SLC30A8: variants seen among roughly 807,000 people sequenced by gnomAD.
SLC30A8 encodes proton-coupled zinc antiporter SLC30A8.
In SLC30A8, 27 loss-of-function variants were observed where a neutral mutation model predicts 36.9. That is an observed-to-expected ratio of 0.73 (90% confidence interval 0.54 to 1.01). SLC30A8 has a LOEUF of 1.01. Ranked by LOEUF, SLC30A8 falls within the 50% of genes least tolerant of loss-of-function variation. The pLI, the probability that SLC30A8 is intolerant of heterozygous loss-of-function variation, is 0.00. For synonymous variants in SLC30A8, 164 were observed against 172.4 expected (o/e 0.95, Z 0.38); for missense variants, 439 against 452.0 (o/e 0.97, Z 0.26).
At chr8:117,122,543 T>A (rs1163979850) in intron 2 of SLC30A8, among the ~76,000 whole-genome samples, 1 of 152,028 alleles carries the variant, frequency 6.6e-6, no homozygotes, top group Non-Finnish European at 1.5e-5. Flanking sequence ...TCTGTTCTCT[T>A]CATTGCTTCC....
At chr8:117,050,483 G>A (rs533408107) in intron 2 of SLC30A8, among the ~76,000 whole-genome samples, 102 of 150,980 alleles carry the variant, frequency 6.8e-4, no homozygotes, top group African/African-American at 2.4e-3. Context: ...TCAGCTCACT[G>A]CAACCTCTGC....
At chr8:117,171,289 G>T in intron 7 of SLC30A8, 121 bp downstream of exon 7, 1 of 1,152,186 alleles carries the variant, frequency 8.7e-7, no homozygotes, top group Non-Finnish European at 1.3e-6. Flanking sequence ...ATTATAAAGT[G>T]TTTTCTATTA....
At chr8:117,150,210 AAAT>A (rs1300370161) in intron 2 of SLC30A8, among the ~76,000 whole-genome samples, 14 of 152,230 alleles carry the variant, frequency 9.2e-5, no homozygotes, top group African/African-American at 3.1e-4. Flanking sequence ...AGTATTCACA[AAAT>A]AATTAAAGAA....
chr8:117,093,290 G>A (rs1586498124), intron 2 of SLC30A8, among the ~76,000 whole-genome samples: 1 of 152,014 alleles, frequency 6.6e-6, no homozygotes, highest in African/African-American at 2.4e-5. Flanking sequence ...TTTAAAAAAA[G>A]AAAGTCCAAG....
At chr8:116,966,241 G>A (rs1014696674) in intron 1 of SLC30A8, among the ~76,000 whole-genome samples, 45 of 152,274 alleles carry the variant, frequency 3.0e-4, no homozygotes, top group African/African-American at 9.9e-4. Flanking sequence ...AGATGGAAGA[G>A]ACTTGAGTGA....
intron 1 of SLC30A8, among the ~76,000 whole-genome samples, chr8:117,030,123 C>A (rs767647139): frequency 6.6e-6 from 1 of 151,948 alleles, no homozygotes; most frequent in African/African-American, 2.4e-5. Context: ...AAAGAAGTGA[C>A]CCTCAGTCGT....
At chr8:117,170,258 T>C (rs1307806999) in intron 6 of SLC30A8, among the ~76,000 whole-genome samples, 1 of 152,144 alleles carries the variant, frequency 6.6e-6, no homozygotes, top group Non-Finnish European at 1.5e-5. Context: ...TGGAGCTTCA[T>C]CCATAGAAAT....
chr8:116,982,615 GATCA>G (rs1815308965), intron 1 of SLC30A8, among the ~76,000 whole-genome samples: 1 of 152,082 alleles, frequency 6.6e-6, no homozygotes, highest in African/African-American at 2.4e-5. Flanking sequence ...CCTGTCCACT[GATCA>G]ATCAATCCCA....
rs557971632 is a variant in SLC30A8 at position 117,120,277 on chromosome 8, C to G, written c.-225-15003C>G. Among the ~76,000 whole-genome samples, 36 of 151,836 alleles carry G rather than the reference C, an allele frequency of 2.4e-4. 1 individual carries two copies. The South Asian group carries it at 7.5e-3, about 32-fold the overall frequency. Reference sequence around the variant, plus strand: ...CTTACATAAAGACAGATATACAGACCGATGGAACAGAATAGAGATCCCAGA... The same window carrying G: ...CTTACATAAAGACAGATATACAGACGGATGGAACAGAATAGAGATCCCAGA... On this transcript the variant is annotated intron_variant, in intron 2 of 10. Coordinates refer to the SLC30A8 transcript ENST00000427715.
rs546222482 is a variant in SLC30A8, at chr8:117,082,049, G to A, written c.-226+42791G>A. Among the ~76,000 whole-genome samples the A allele has an allele frequency of 2.0e-5, 3 of 152,300 alleles. No homozygotes were observed. In the South Asian group the frequency reaches 6.2e-4, roughly 32 times the overall value. On this transcript the variant is annotated intron_variant, in intron 2 of 10. Coordinates refer to the SLC30A8 transcript ENST00000427715. ...AGTTATCTCCTGAGTCCCTGAGATA[G>A]AATAAGTCAAGTTTTGAGAGGTCAG...
intron 2 of SLC30A8, among the ~76,000 whole-genome samples, chr8:117,126,301 A>G (rs761626058): frequency 6.6e-6 from 1 of 152,008 alleles, no homozygotes. Context: ...TTATTAAGCA[A>G]TTACTCTGAG....
Position 117,167,589 on chromosome 8 carries a change from A to G in SLC30A8, c.830-3445A>G, listed in dbSNP as rs554197224. On this transcript the variant is annotated intron_variant, in intron 6 of 7. Coordinates refer to ENST00000456015, the MANE Select transcript of SLC30A8 (RefSeq NM_173851.3). ...ATATTGATTCACATTTTTTCTCTGC[A>G]CCTGGCATTTTTCATTTGGAGATCT... Among the ~76,000 whole-genome samples the G allele has an allele frequency of 2.6e-5, 4 of 151,764 alleles. No homozygotes were observed. The South Asian group carries it at 8.3e-4, about 32-fold the overall frequency.
At position 117,176,087 on chromosome 8, in the gene SLC30A8, T is replaced by C. The variant is rs1372541448; in HGVS notation, c.*3406T>C. 1 of 152,110 alleles carries C rather than the reference T, an allele frequency of 6.6e-6. No homozygotes were observed. The highest frequency in any genetic ancestry group is 1.5e-5 in the Non-Finnish European group (1 of 68,006). The allele number at this position is 152,110 out of a possible 1,614,324, so 9.4% of individuals were successfully genotyped here. On this transcript the variant is annotated 3_prime_UTR_variant, in exon 8 of 8. Coordinates refer to ENST00000456015, the MANE Select transcript of SLC30A8 (RefSeq NM_173851.3). ...TCAAGTTCTTGGCTTTTCTCTGTCA[T>C]GTAGCCTCAACTTTCTCTGACCGGG... is the stretch of plus-strand genomic sequence containing the variant.
At chr8:117,080,492 C>T (rs1288493094) in intron 2 of SLC30A8, among the ~76,000 whole-genome samples, 1 of 152,104 alleles carries the variant, frequency 6.6e-6, no homozygotes, top group Non-Finnish European at 1.5e-5. Context: ...CTCCCTCTCT[C>T]CCTCCTCTAG....
At chr8:117,130,700 A>C (rs986195098), upstream of SLC30A8, among the ~76,000 whole-genome samples, 18 of 152,108 alleles carry the variant, frequency 1.2e-4, no homozygotes, top group African/African-American at 3.9e-4. Context: ...TATATAAATA[A>C]AAAGACATAT....
chr8:117,143,689 C>CACACACAT (rs1385751429), intron 1 of SLC30A8, among the ~76,000 whole-genome samples: 1 of 151,726 alleles, frequency 6.6e-6, no homozygotes. Context: ...CACACACACA[C>CACACACAT]ACACACACTC....
intron 1 of SLC30A8, among the ~76,000 whole-genome samples, chr8:116,992,582 A>G (rs1259532127): frequency 6.6e-6 from 1 of 152,136 alleles, no homozygotes; most frequent in Non-Finnish European, 1.5e-5. Context: ...AGAGAGCAGG[A>G]CTAGCAAAGC....
At chr8:116,986,397 C>T (rs558710395) in intron 1 of SLC30A8, among the ~76,000 whole-genome samples, 8 of 152,074 alleles carry the variant, frequency 5.3e-5, no homozygotes, top group Non-Finnish European at 8.8e-5. Flanking sequence ...GGGAATCAGG[C>T]GGAGACAGGA....
chr8:116,959,875 A>G (rs1001787169), intron 1 of SLC30A8, among the ~76,000 whole-genome samples: 1 of 152,212 alleles, frequency 6.6e-6, no homozygotes, highest in Admixed American at 6.5e-5. Flanking sequence ...GTTTATAAAC[A>G]TTCTGGTGAA....
Sources: gnomAD v4.1 joint callset for allele counts (sites outside exome capture counted in the v4.1 genomes callset) on GRCh38, gnomAD v4.1.1 for gene constraint, MANE v1.5 for transcripts, NCBI Gene and HGNC (gene_info 2026-07-23, HGNC 2026-07-21) for gene names.